RBM33: variants seen among roughly 807,000 people sequenced by gnomAD.
RBM33 encodes the protein RNA binding motif protein 33, also known as RNA-binding protein 33.
In RBM33, 28 loss-of-function variants were observed where a neutral mutation model predicts 132.6. That is an observed-to-expected ratio of 0.21 (90% CI 0.16 to 0.29). The LOEUF (loss-of-function observed/expected upper bound fraction) is 0.29, where lower values mean the gene tolerates loss of function less well. Ranked by LOEUF, RBM33 falls within the 10% of genes least tolerant of loss-of-function variation. The pLI is 1.00. For synonymous variants in RBM33, 634 were observed against 593.0 expected (o/e 1.07, Z -1.01); for missense variants, 1,291 against 1,518.5 (o/e 0.85, Z 2.49).
At chr7:155,758,602 T>C (rs1263295802) in intron 14 of RBM33, among the ~76,000 whole-genome samples, 2 of 152,168 alleles carry the variant, frequency 1.3e-5, no homozygotes, top group African/African-American at 2.4e-5. Flanking sequence ...GGCCACAGAC[T>C]GGTAGTGAGG....
intron 8 of RBM33, among the ~76,000 whole-genome samples, chr7:155,711,711 A>C (rs1800306090): frequency 6.6e-6 from 1 of 152,082 alleles, no homozygotes; most frequent in African/African-American, 2.4e-5. Context: ...CAATGATGTG[A>C]GTGTTCTGAG....
chr7:155,688,245 A>C (rs1328636350), intron 5 of RBM33, among the ~76,000 whole-genome samples: 3 of 152,114 alleles, frequency 2.0e-5, no homozygotes, highest in South Asian at 2.1e-4. Context: ...GCAATTGTGA[A>C]TGGGAGTTCA....
chr7:155,690,435 T>C (rs1799603684), intron 5 of RBM33, among the ~76,000 whole-genome samples: 1 of 152,148 alleles, frequency 6.6e-6, no homozygotes, highest in Admixed American at 6.5e-5. Context: ...CGCCAGTCTG[T>C]GTCTTTTAAT....
chr7:155,668,033 A>G (rs1002487348), intron 2 of RBM33, among the ~76,000 whole-genome samples: 1 of 152,210 alleles, frequency 6.6e-6, no homozygotes, highest in Non-Finnish European at 1.5e-5. Flanking sequence ...ACGGTTTAAA[A>G]TATAGCCACA....
At chr7:155,672,031 C>A (rs1798955592) in intron 2 of RBM33, among the ~76,000 whole-genome samples, 2 of 152,110 alleles carry the variant, frequency 1.3e-5, no homozygotes, top group South Asian at 2.1e-4. Context: ...GATACGACAT[C>A]CATGTTATAC....
Position 155,695,930 on chromosome 7 carries a change from G to A in RBM33, c.568-4843G>A, listed in dbSNP as rs995694843. On this transcript the variant is annotated intron_variant, in intron 5 of 17. Coordinates refer to ENST00000401878, the MANE Select transcript of RBM33 (RefSeq NM_053043.3). ...AAGATTATGATCTATCTCAATATGT[G>A]CGCACGTGTGTGTGTGTGTGTGGTA... Among the ~76,000 whole-genome samples, 12 of 151,822 alleles carry A rather than the reference G, an allele frequency of 7.9e-5. 1 individual carries two copies. Among genetic ancestry groups the A allele is most frequent in the Admixed American group, 7.9e-4 (12 of 15,246 alleles).
chr7:155,677,670 T>C (rs1799222330), intron 3 of RBM33, among the ~76,000 whole-genome samples: 2 of 152,212 alleles, frequency 1.3e-5, no homozygotes, highest in Non-Finnish European at 2.9e-5. Context: ...GAAGTGCTAA[T>C]AAGATTATTT....
intron 1 of RBM33, among the ~76,000 whole-genome samples, chr7:155,652,091 A>T (rs1202706440): frequency 5.9e-5 from 9 of 152,178 alleles, no homozygotes; most frequent in African/African-American, 2.2e-4. Flanking sequence ...TAAATAAAGG[A>T]TCTGGATTTC....
At chr7:155,729,241 A>G (rs1368939430) in intron 9 of RBM33, among the ~76,000 whole-genome samples, 1 of 152,012 alleles carries the variant, frequency 6.6e-6, no homozygotes, top group Admixed American at 6.6e-5. Context: ...TGATCCAGTC[A>G]CCACCCACCA....
intron 14 of RBM33, among the ~76,000 whole-genome samples, chr7:155,748,103 C>G (rs1801576595): frequency 6.6e-6 from 1 of 152,196 alleles, no homozygotes; most frequent in African/African-American, 2.4e-5. Flanking sequence ...CTGACAGGAG[C>G]TTGGCATCTG....
At chr7:155,753,438 T>G (rs1303320275) in intron 14 of RBM33, among the ~76,000 whole-genome samples, 1 of 152,240 alleles carries the variant, frequency 6.6e-6, no homozygotes, top group Non-Finnish European at 1.5e-5. Context: ...CCACGTTTTT[T>G]AGCCTCTAAG....
At chr7:155,741,091 G>T (rs1801317072) in intron 12 of RBM33, among the ~76,000 whole-genome samples, 1 of 152,178 alleles carries the variant, frequency 6.6e-6, no homozygotes, top group Admixed American at 6.5e-5. Context: ...AGTAAGAAAA[G>T]ATTTCTAAAT....
chr7:155,747,391 G>T (rs1031977823), intron 14 of RBM33, among the ~76,000 whole-genome samples: 3 of 152,088 alleles, frequency 2.0e-5, no homozygotes, highest in African/African-American at 7.2e-5. Flanking sequence ...TGGGAATTAG[G>T]CCTTTTCCCA....
At chr7:155,693,096 C>CA (rs1799691852) in intron 5 of RBM33, among the ~76,000 whole-genome samples, 1 of 152,056 alleles carries the variant, frequency 6.6e-6, no homozygotes, top group African/African-American at 2.4e-5. Context: ...AACAAAAAGT[C>CA]TATGTAGTTA....
intron 14 of RBM33, among the ~76,000 whole-genome samples, chr7:155,751,878 G>A (rs1341046664): frequency 1.3e-5 from 2 of 152,120 alleles, no homozygotes; most frequent in African/African-American, 4.8e-5. Context: ...TTGTTAGCAG[G>A]CACTGAAGTT....
chr7:155,774,304 T>G lies in RBM33; in HGVS notation c.3376-255T>G, dbSNP rs1381212727. On this transcript the variant is annotated intron_variant, in intron 16 of 17. Coordinates refer to ENST00000401878, the MANE Select transcript of RBM33 (RefSeq NM_053043.3). The surrounding 1 kb of genome is among the most constrained non-coding windows in gnomAD (Gnocchi z 4.2). The stretch of plus-strand genomic sequence containing the variant: ...TGGGGCAGCTGATGGGGCCAGATGA[T>G]GGGAGGCCTTAACACTAGGCTTGGA... Among the ~76,000 whole-genome samples, 1 of 152,178 alleles carries G rather than the reference T, an allele frequency of 6.6e-6. No homozygotes were observed. The highest frequency in any genetic ancestry group is 1.5e-5 in the Non-Finnish European group (1 of 68,032).
chr7:155,746,287 A>T (rs1193641771), intron 14 of RBM33: 1 of 152,228 alleles, frequency 6.6e-6, no homozygotes, highest in Non-Finnish European at 1.5e-5. Flanking sequence ...AGTGGTGGGC[A>T]GTGCAGGTGT....
At chr7:155,705,169 A>G (rs576722473) in intron 6 of RBM33, among the ~76,000 whole-genome samples, 1 of 152,236 alleles carries the variant, frequency 6.6e-6, no homozygotes, top group Non-Finnish European at 1.5e-5. Flanking sequence ...TTAAAGGGAA[A>G]TTAACATTTC....
chr7:155,718,466 C>T lies in RBM33; in HGVS notation c.1260+23C>T, dbSNP rs757671569. 5.0e-6 allele frequency: 8 copies of T among 1,597,044 alleles called. No homozygotes were observed. In the African/African-American group the frequency reaches 1.1e-4, roughly 21 times the overall value. Reference sequence around the variant, plus strand: ...CCAGTGAGTAGCAGCTGCTCCTTCTCCTTTGATAGGGATGAGCATACATTT... The same window carrying T: ...CCAGTGAGTAGCAGCTGCTCCTTCTTCTTTGATAGGGATGAGCATACATTT... On this transcript the variant is annotated intron_variant, in intron 9 of 17. Coordinates refer to ENST00000401878, the MANE Select transcript of RBM33 (RefSeq NM_053043.3).
Sources: gnomAD v4.1 joint callset for allele counts (sites outside exome capture counted in the v4.1 genomes callset) on GRCh38, gnomAD v4.1.1 for gene constraint, Gnocchi (gnomAD v3.1) non-coding constraint, MANE v1.5 for transcripts, NCBI Gene and HGNC (gene_info 2026-07-23, HGNC 2026-07-21) for gene names.